CARD8: variants seen among roughly 807,000 people sequenced by gnomAD.
CARD8 encodes caspase recruitment domain family member 8.
Under a neutral mutation model 53.2 loss-of-function variants are expected in CARD8, and 38 were observed. The observed-to-expected ratio is 0.71, with a 90% confidence interval of 0.55 to 0.94. The LOEUF (loss-of-function observed/expected upper bound fraction) is 0.94, where lower values mean the gene tolerates loss of function less well. Among genes scored for constraint, CARD8 ranks in the 40% least tolerant of loss-of-function variants. The pLI is 0.00. For missense variants in CARD8, 561 were observed against 655.5 expected, an observed-to-expected ratio of 0.86 and a Z score of 1.57; for synonymous variants, 245 against 244.9, an observed-to-expected ratio of 1.00 and a Z score of 0.00.
At position 48,240,967 on chromosome 19, in the gene CARD8, C is replaced by T. The variant is rs777865064; in HGVS notation, c.54G>A (p.Pro18=). The change falls in exon 4 of 14, where the codon CCG becomes CCA. Residue 18 remains proline (P), a synonymous_variant. Coordinates refer to ENST00000651546, the MANE Select transcript of CARD8 (RefSeq NM_001184900.3). ...EKSSSSEEEL[P]RRDSGSSRNI... is the part of the protein sequence containing the mutation. Reference sequence around the variant, plus strand: ...CAGAGCGCAAAGTCACTCACCGTCTCGGCAGCTCTTCCTCACTGCTGCTAC... The same window carrying T: ...CAGAGCGCAAAGTCACTCACCGTCTTGGCAGCTCTTCCTCACTGCTGCTAC... The T allele has an allele frequency of 8.9e-5, 136 of 1,535,824 alleles. No homozygotes were observed. Among genetic ancestry groups the T allele is most frequent in the Non-Finnish European group, 1.2e-4 (134 of 1,146,636 alleles).
At chr19:48,245,101 G>C (rs1184087979) in intron 3 of CARD8, among the ~76,000 whole-genome samples, 1 of 152,210 alleles carries the variant, frequency 6.6e-6, no homozygotes, top group Non-Finnish European at 1.5e-5. Context: ...TGATTGAAAG[G>C]AAGGAGATTA....
In CARD8 at chr19:48,211,574, G is replaced by T; in HGVS notation, c.*136C>A. On this transcript the variant is annotated 3_prime_UTR_variant, in exon 14 of 14. Coordinates refer to ENST00000651546, the MANE Select transcript of CARD8 (RefSeq NM_001184900.3). ...TAGGTACATGCCAGGTTACAAGTCT[G>T]TCCTGAAAGCCTGTGTGATAGATGT... 2 of 807,778 alleles carry T rather than the reference G, an allele frequency of 2.5e-6. No individual in the cohort carries two copies. The highest frequency in any genetic ancestry group is 3.9e-6 in the Non-Finnish European group (2 of 507,302). The allele number at this position is 807,778 out of a possible 1,614,324, so 50.0% of individuals were successfully genotyped here. A position where few individuals can be genotyped will look rare whatever the true frequency, so the allele number is the denominator to read the frequency against.
In CARD8 at chr19:48,232,441, T is replaced by A; in HGVS notation, c.391+12A>T. The stretch of plus-strand genomic sequence containing the variant: ...CACACGCCCTTCACTCCTCTCCCTA[T>A]TAGCCCATTACCTGAATCTTGTCCC... On this transcript the variant is annotated intron_variant, in intron 7 of 13. Coordinates refer to ENST00000651546, the MANE Select transcript of CARD8 (RefSeq NM_001184900.3). 1 of 1,534,432 alleles carries A rather than the reference T, an allele frequency of 6.5e-7. No individual in the cohort carries two copies. Among genetic ancestry groups the A allele is most frequent in the Non-Finnish European group, 8.7e-7 (1 of 1,145,298 alleles).
chr19:48,220,957 G>GGAAGGAAGGAAGGAAGGAAT (rs1443297523), intron 11 of CARD8, among the ~76,000 whole-genome samples: 3 of 66,118 alleles, frequency 4.5e-5, no homozygotes, highest in African/African-American at 6.5e-5. Context: ...GGAAAGGAAA[G>GGAAGGAAGGAAGGAAGGAAT]GAAGGAAGGA....
chr19:48,232,313 T>A lies in CARD8; in HGVS notation c.391+140A>T, dbSNP rs986844833. 16 of 758,418 alleles carry A rather than the reference T, an allele frequency of 2.1e-5. No homozygotes were observed. In the East Asian group the frequency reaches 4.0e-4, roughly 19 times the overall value. 47.0% of individuals were successfully genotyped at this position (758,418 alleles called of 1,614,324 possible). ...CAGGCTTACATGTCCCCATTTAAAC[T>A]GCACAGTGCACTGTGGCAAAGGTAA... On this transcript the variant is annotated intron_variant, in intron 7 of 13. Coordinates refer to ENST00000651546, the MANE Select transcript of CARD8 (RefSeq NM_001184900.3).
chr19:48,243,789 C>T (rs2045634625), intron 3 of CARD8, among the ~76,000 whole-genome samples: 2 of 152,132 alleles, frequency 1.3e-5, no homozygotes, highest in African/African-American at 4.8e-5. Context: ...AGATTAAGGT[C>T]GCAGTGAGCT....
chr19:48,220,682 G>T (rs148151717), intron 11 of CARD8, among the ~76,000 whole-genome samples: 306 of 152,132 alleles, frequency 2.0e-3, no homozygotes, highest in African/African-American at 6.9e-3. Flanking sequence ...GGGAGGCCAA[G>T]GTGGGCAGAT....
intron 1 of CARD8, among the ~76,000 whole-genome samples, chr19:48,252,339 TTAA>T (rs2047026661): frequency 6.6e-6 from 1 of 152,096 alleles, no homozygotes; most frequent in African/African-American, 2.4e-5. Flanking sequence ...AAATATTATC[TTAA>T]TAACTTTCAC....
chr19:48,207,726 G>GTTTTTGTTTTTT (rs1390970720), downstream of CARD8, among the ~76,000 whole-genome samples: 2 of 38,414 alleles, frequency 5.2e-5, no homozygotes, highest in Non-Finnish European at 7.0e-5. Flanking sequence ...TTTTATTGTT[G>GTTTTTGTTTTTT]TTTTTCTGTT....
At chr19:48,232,366 G>A (rs987394281) in intron 7 of CARD8, 87 bp downstream of exon 7, 2 of 1,261,566 alleles carry the variant, frequency 1.6e-6, no homozygotes, top group Non-Finnish European at 2.2e-6. Context: ...CTGCACAAAA[G>A]ACTCTAAATT....
Position 48,208,118 on chromosome 19 carries a change from AT to A in CARD8, c.*3591del, listed in dbSNP as rs111424827. 7.2e-5 allele frequency: 11 copies of A among 151,854 alleles called. No homozygotes were observed. The highest frequency in any genetic ancestry group is 1.3e-4 in the Admixed American group (2 of 15,252). 9.4% of individuals were successfully genotyped at this position (151,854 alleles called of 1,614,324 possible). A position where few individuals can be genotyped will look rare whatever the true frequency, so the allele number is the denominator to read the frequency against. The stretch of plus-strand genomic sequence containing the variant: ...CTTTTTGTTTTAATAACATTAACCT[AT>A]TTTTTTATTTTTGTAAATTTATGAA... On this transcript the variant is annotated 3_prime_UTR_variant, in exon 14 of 14. Transcript: ENST00000651546.
Position 48,211,459 on chromosome 19 carries a change from A to G in CARD8, c.*251T>C. 2.3e-6 allele frequency: 1 copy of G among 443,106 alleles called. No individual in the cohort carries two copies. The allele number at this position is 443,106 out of a possible 1,614,324, so 27.4% of individuals were successfully genotyped here. ...AATCATGTCAATGGATAAAATAGTG[A>G]TATATCAAGCAATGGTTGGAAAAAA... is the stretch of plus-strand genomic sequence containing the variant. On this transcript the variant is annotated 3_prime_UTR_variant, in exon 14 of 14. Transcript: ENST00000651546.
chr19:48,232,244 A>C (rs1238438650), intron 7 of CARD8: 1 of 610,036 alleles, frequency 1.6e-6, no homozygotes, highest in Non-Finnish European at 2.9e-6. Flanking sequence ...AGCCACCAGG[A>C]CCACCCACTG....
At chr19:48,249,127 G>A (rs906673045) in intron 3 of CARD8, among the ~76,000 whole-genome samples, 1 of 151,384 alleles carries the variant, frequency 6.6e-6, no homozygotes, top group African/African-American at 2.4e-5. Flanking sequence ...AACCCGAGAG[G>A]TGGAGGTTGC....
intron 5 of CARD8, among the ~76,000 whole-genome samples, chr19:48,235,210 C>T (rs1458214011): frequency 1.3e-5 from 2 of 152,122 alleles, no homozygotes; most frequent in African/African-American, 4.8e-5. Context: ...TTTTTGAAGG[C>T]TTGGTGCTGT....
chr19:48,243,842 C>A (rs897948044), intron 3 of CARD8, among the ~76,000 whole-genome samples: 1 of 152,156 alleles, frequency 6.6e-6, no homozygotes, highest in Non-Finnish European at 1.5e-5. Flanking sequence ...CAAAGCAATA[C>A]CTCATTTCAA....
At chr19:48,204,453 G>C (rs188452743), downstream of CARD8, among the ~76,000 whole-genome samples, 1 of 152,176 alleles carries the variant, frequency 6.6e-6, no homozygotes. Context: ...CATTGAAATC[G>C]ACAAGTTACT....
Position 48,210,473 on chromosome 19 carries a change from T to C in CARD8, c.*1237A>G, listed in dbSNP as rs983133202. On this transcript the variant is annotated 3_prime_UTR_variant, in exon 14 of 14. Coordinates refer to ENST00000651546, the MANE Select transcript of CARD8 (RefSeq NM_001184900.3). Reference sequence around the variant, plus strand: ...CTTCTCATGAGTTTTTTAAATCTTCTGAGTGATTAAAAGTAGAAAATATAT... The same window carrying C: ...CTTCTCATGAGTTTTTTAAATCTTCCGAGTGATTAAAAGTAGAAAATATAT... 1.3e-5 allele frequency: 2 copies of C among 152,158 alleles called. No homozygotes were observed. The highest frequency in any genetic ancestry group is 4.8e-5 in the African/African-American group (2 of 41,444). 9.4% of individuals were successfully genotyped at this position (152,158 alleles called of 1,614,324 possible). A position where few individuals can be genotyped will look rare whatever the true frequency, so the allele number is the denominator to read the frequency against.
At chr19:48,240,863 C>G (rs1034754553) in intron 4 of CARD8, 99 bp downstream of exon 4, 2 of 986,722 alleles carry the variant, frequency 2.0e-6, no homozygotes, top group African/African-American at 1.6e-5. Context: ...CAGAACCTTT[C>G]TTCCAGAAAA....
Sources: allele counts gnomAD v4.1 joint callset (sites outside exome capture counted in the v4.1 genomes callset), GRCh38; gene constraint gnomAD v4.1.1; transcripts MANE v1.5; gene names NCBI Gene and HGNC (gene_info 2026-07-23, HGNC 2026-07-21).